Variants in HTR1E observed in about 807,000 individuals in gnomAD.
The protein encoded by HTR1E is 5-hydroxytryptamine receptor 1E.
A neutral mutation model predicts 3.4 loss-of-function variants in HTR1E; 3 were observed. The ratio of observed to expected loss-of-function variants is 0.89; its 90% CI spans 0.41 to 2.31. The LOEUF (loss-of-function observed/expected upper bound fraction) is 2.31, where lower values mean the gene tolerates loss of function less well. Among genes scored for constraint, HTR1E ranks in the 30% most tolerant of loss-of-function variants. The probability of loss-of-function intolerance (pLI) is 0.05; values close to 1 mark genes in which losing one functional copy is unlikely to be tolerated. For synonymous variants in HTR1E, 170 were observed against 182.8 expected (o/e 0.93, Z 0.56); for missense variants, 392 against 467.0 (o/e 0.84, Z 1.48).
intron 1 of HTR1E, among the ~76,000 whole-genome samples, chr6:86,975,458 T>A (rs1767616871): frequency 6.6e-6 from 1 of 152,016 alleles, no homozygotes; most frequent in Non-Finnish European, 1.5e-5. Flanking sequence ...CATGTTCAAG[T>A]CACTCTCCCC....
intron 1 of HTR1E, among the ~76,000 whole-genome samples, chr6:86,967,098 G>A (rs1329972799): frequency 6.6e-6 from 1 of 152,134 alleles, no homozygotes; most frequent in African/African-American, 2.4e-5. Context: ...TGTGAAACCA[G>A]ACACATAGCT....
At chr6:86,947,346 T>C (rs1768630879) in intron 1 of HTR1E, among the ~76,000 whole-genome samples, 1 of 152,218 alleles carries the variant, frequency 6.6e-6, no homozygotes, top group Non-Finnish European at 1.5e-5. Flanking sequence ...CAAAGAGTTC[T>C]TTTTGTTTGA....
intron 1 of HTR1E, among the ~76,000 whole-genome samples, chr6:87,010,311 G>A (rs1768194670): frequency 1.7e-5 from 2 of 119,732 alleles, no homozygotes; most frequent in African/African-American, 7.2e-5. Flanking sequence ...GCCGGGCGGG[G>A]GGGCTGACCC....
Position 87,015,390 on chromosome 6 carries a change from T to A in HTR1E, c.56T>A (p.Ile19Asn). The change falls in exon 2 of 2, where the codon ATC (isoleucine) becomes AAC (asparagine). Residue 19 changes from isoleucine to asparagine, a missense_variant. Physicochemically the swap from Ile to Asn is moderately radical, Grantham distance 149 (BLOSUM62 -3). Coordinates refer to ENST00000305344, the MANE Select transcript of HTR1E (RefSeq NM_000865.3). Reference protein sequence around the residue: ...EASMAIRPKTITEKMLICMTL... With the variant: ...EASMAIRPKTNTEKMLICMTL... ...AGCATGGCTATAAGACCCAAGACCA[T>A]CACTGAGAAGATGCTCATTTGCATG... 6.2e-7 allele frequency: 1 copy of A among 1,609,042 alleles called. No individual in the cohort carries two copies. The highest frequency in any genetic ancestry group is 8.5e-7 in the Non-Finnish European group (1 of 1,177,028).
chr6:86,994,540 C>T (rs901649219), intron 1 of HTR1E, among the ~76,000 whole-genome samples: 7 of 152,006 alleles, frequency 4.6e-5, no homozygotes, highest in Non-Finnish European at 1.0e-4. Context: ...AAATATCCTT[C>T]ACTAATGAAG....
intron 1 of HTR1E, among the ~76,000 whole-genome samples, chr6:86,948,604 T>C (rs536331392): frequency 1.3e-5 from 2 of 152,286 alleles, no homozygotes; most frequent in Admixed American, 1.3e-4. Context: ...ATGCTGGAAA[T>C]TGCTGAAGTA....
intron 1 of HTR1E, among the ~76,000 whole-genome samples, chr6:86,938,622 C>T (rs1039424627): frequency 1.3e-5 from 2 of 152,150 alleles, no homozygotes; most frequent in South Asian, 4.1e-4. Flanking sequence ...GCTGCTTGTC[C>T]TTGAGTTAGA....
chr6:86,956,566 T>C (rs1767326652), intron 1 of HTR1E, among the ~76,000 whole-genome samples: 1 of 152,170 alleles, frequency 6.6e-6, no homozygotes, highest in African/African-American at 2.4e-5. Context: ...ATGTACACCT[T>C]ATATGTATCA....
intron 1 of HTR1E, among the ~76,000 whole-genome samples, chr6:86,998,916 G>T (rs545871316): frequency 2.0e-5 from 3 of 152,068 alleles, no homozygotes; most frequent in Admixed American, 1.3e-4. Flanking sequence ...AAAAGGATAT[G>T]AAAGGAATAT....
intron 1 of HTR1E, among the ~76,000 whole-genome samples, chr6:86,973,013 G>C (rs546677050): frequency 6.6e-6 from 1 of 152,150 alleles, no homozygotes; most frequent in Non-Finnish European, 1.5e-5. Flanking sequence ...TACCACTGCT[G>C]TTTCTAGTTA....
At chr6:86,993,885 G>A (rs1186505342) in intron 1 of HTR1E, among the ~76,000 whole-genome samples, 1 of 151,938 alleles carries the variant, frequency 6.6e-6, no homozygotes, top group Non-Finnish European at 1.5e-5. Context: ...GAAGAATTAT[G>A]AGCACACTTG....
intron 1 of HTR1E, among the ~76,000 whole-genome samples, chr6:87,010,116 A>G (rs1768187900): frequency 8.5e-6 from 1 of 117,100 alleles, no homozygotes; most frequent in Non-Finnish European, 1.7e-5. Context: ...GGGGCTCCTC[A>G]CTTCCCAGTA....
At position 86,974,662 on chromosome 6, in the gene HTR1E, T is replaced by C. The variant is rs1393546083; in HGVS notation, c.-186+36839T>C. On this transcript the variant is annotated intron_variant, in intron 1 of 1. Coordinates refer to ENST00000305344, the MANE Select transcript of HTR1E (RefSeq NM_000865.3). ...TTGATTAAGATGATTTCTTCCAGTC[T>C]TCTCAACTTTGAAGTTATTCTTTTC... Among the ~76,000 whole-genome samples, 4 of 152,048 alleles carry C rather than the reference T, an allele frequency of 2.6e-5. No homozygotes were observed. In the East Asian group the frequency reaches 7.7e-4, roughly 29 times the overall value.
At chr6:86,938,822 T>C (rs1190939128) in intron 1 of HTR1E, among the ~76,000 whole-genome samples, 1 of 152,214 alleles carries the variant, frequency 6.6e-6, no homozygotes, top group Non-Finnish European at 1.5e-5. Flanking sequence ...TCTTATGTTT[T>C]CCCTCAAAGC....
At chr6:86,977,529 T>A (rs908707051) in intron 1 of HTR1E, among the ~76,000 whole-genome samples, 2 of 152,168 alleles carry the variant, frequency 1.3e-5, no homozygotes, top group African/African-American at 4.8e-5. Context: ...AGTGATCTAT[T>A]TTCCTTTGGT....
intron 1 of HTR1E, among the ~76,000 whole-genome samples, chr6:86,962,203 T>A (rs746081686): frequency 2.0e-5 from 3 of 152,180 alleles, no homozygotes; most frequent in African/African-American, 7.2e-5. Context: ...GGTAGTATGA[T>A]CCCCAATCCT....
At chr6:86,970,336 C>G (rs913721269) in intron 1 of HTR1E, 4 of 152,214 alleles carry the variant, frequency 2.6e-5, no homozygotes, top group African/African-American at 9.7e-5. Flanking sequence ...ATGGCAGAAT[C>G]TGGATTCAAA....
intron 1 of HTR1E, among the ~76,000 whole-genome samples, chr6:87,008,566 C>T (rs2127832295): frequency 6.6e-6 from 1 of 152,242 alleles, no homozygotes; most frequent in East Asian, 1.9e-4. Context: ...TAAAAATGAA[C>T]TGAGCATGCC....
chr6:87,010,675 G>T (rs1177054567), intron 1 of HTR1E, among the ~76,000 whole-genome samples: 1 of 147,990 alleles, frequency 6.8e-6, no homozygotes, highest in Non-Finnish European at 1.5e-5. Flanking sequence ...TGGGCAGCCA[G>T]GCAGAGGGGC....
Sources: allele counts gnomAD v4.1 joint callset (sites outside exome capture counted in the v4.1 genomes callset), GRCh38; gene constraint gnomAD v4.1.1; transcripts MANE v1.5; gene names NCBI Gene and HGNC (gene_info 2026-07-23, HGNC 2026-07-21).